The following MED23 variants were observed in gnomAD, a reference collection of about 807,000 sequenced individuals.
The protein encoded by MED23 is mediator of RNA polymerase II transcription subunit 23.
In MED23, 105 loss-of-function variants were observed where a neutral mutation model predicts 163.9. That is an observed-to-expected ratio of 0.64 (90% CI 0.55 to 0.75). MED23 has a LOEUF of 0.75. MED23 is among the 30% of genes least tolerant of loss of function. The pLI is 0.00. For missense variants in MED23, 1,054 were observed against 1,649.0 expected (o/e 0.64, Z 6.25); for synonymous variants, 561 against 565.6 (o/e 0.99, Z 0.12).
chr6:131,615,227 AG>A (rs1412868411), intron 10 of MED23: 1 of 1,435,702 alleles, frequency 7.0e-7, no homozygotes, highest in Non-Finnish European at 9.8e-7. Flanking sequence ...GCCAATTTCA[AG>A]CCCCGACCAT....
At chr6:131,602,861 G>A (rs561130598) in intron 16 of MED23, among the ~76,000 whole-genome samples, 169 bp downstream of exon 16, 3 of 151,750 alleles carry the variant, frequency 2.0e-5, no homozygotes, top group African/African-American at 7.3e-5. Flanking sequence ...TTAAAAAGCT[G>A]GACTCTGCTC....
chr6:131,576,025 C>T (rs1036298212), intron 30 of MED23, among the ~76,000 whole-genome samples: 1 of 152,192 alleles, frequency 6.6e-6, no homozygotes, highest in African/African-American at 2.4e-5. Context: ...TTTGCCCAAT[C>T]GTTCCCTTGG....
chr6:131,604,316 T>C lies in MED23; in HGVS notation c.1618A>G (p.Ile540Val), dbSNP rs1373066912. 2 of 1,613,566 alleles carry C rather than the reference T, an allele frequency of 1.2e-6. No individual in the cohort carries two copies. The highest frequency in any genetic ancestry group is 1.7e-6 in the Non-Finnish European group (2 of 1,179,734). The part of the protein sequence containing the change: ...SLTVHAKMSL[I>V]HSIATRVIKL... ...ATCACCCTGGTTGCAATGCTGTGAA[T>C]AAGGCTGAGGAGAAAAAAAGGGAAG... The change falls in exon 15 of 29, where the codon ATT becomes GTT. Residue 540 changes from isoleucine (I) to valine (V), a missense_variant. Coordinates refer to ENST00000368068, the MANE Select transcript of MED23 (RefSeq NM_004830.4).
At chr6:131,583,687 A>G (rs1774056246), downstream of MED23, 4 of 1,581,788 alleles carry the variant, frequency 2.5e-6, no homozygotes, top group South Asian at 4.5e-5. Context: ...TGTCTGTACT[A>G]CTTTCAAAAT....
rs1777587291 is a variant in MED23 at position 131,627,409 on chromosome 6, C to A, written c.146G>T (p.Gly49Val). 6.2e-7 allele frequency: 1 copy of A among 1,612,742 alleles called. No homozygotes were observed. The highest frequency in any genetic ancestry group is 8.5e-7 in the Non-Finnish European group (1 of 1,179,694). Reference sequence around the variant, plus strand: ...TGAAGCGCTCACCTGAGAAAGACCACCCCAAAACTGTCTGAAGGCCCCCAA... The same window carrying A: ...TGAAGCGCTCACCTGAGAAAGACCAACCCAAAACTGTCTGAAGGCCCCCAA... ...SCLGAFRQFWGGLSQESHEQC... is the reference protein window; with the variant it reads ...SCLGAFRQFWVGLSQESHEQC... Residue 49 changes from glycine to valine, a missense_variant, in exon 3 of 29, where the codon GGT (glycine) becomes GTT (valine). This residue lies in a region of MED23 where 227 missense variants were observed against 235.5 expected (regional missense o/e 0.96). Transcript: ENST00000368068.
intron 18 of MED23, among the ~76,000 whole-genome samples, chr6:131,599,426 G>C (rs1339587694): frequency 1.3e-5 from 2 of 152,116 alleles, no homozygotes; most frequent in Non-Finnish European, 2.9e-5. Flanking sequence ...CAGTTTTTCT[G>C]TGATTAAGAA....
At position 131,587,591 on chromosome 6, in the gene MED23, T is replaced by C; in HGVS notation, c.*88A>G. ...ATCATCACTGCTTCTACTATATCAC[T>C]ACAGTGTGATCGCATTCAGATTTAA... On this transcript the variant is annotated 3_prime_UTR_variant, in exon 29 of 29. Transcript: ENST00000368068. The C allele has an allele frequency of 1.3e-6, 2 of 1,597,380 alleles. No individual in the cohort carries two copies. The highest frequency in any genetic ancestry group is 1.7e-6 in the Non-Finnish European group (2 of 1,171,142).
At chr6:131,585,671 T>C (rs1241736422), downstream of MED23, among the ~76,000 whole-genome samples, 1 of 152,208 alleles carries the variant, frequency 6.6e-6, no homozygotes, top group Non-Finnish European at 1.5e-5. Context: ...TTGCAGAAAG[T>C]CATACTGGAC....
chr6:131,576,090 G>A (rs1041186867), intron 30 of MED23, among the ~76,000 whole-genome samples: 1 of 152,098 alleles, frequency 6.6e-6, no homozygotes, highest in Non-Finnish European at 1.5e-5. Flanking sequence ...TACTCATGTC[G>A]CAAGACTCAG....
rs75012666 is a variant in MED23 at position 131,581,156 on chromosome 6, A to C, written c.4095+6553T>G. On this transcript the variant is annotated intron_variant, in intron 30 of 30. Coordinates refer to the MED23 transcript ENST00000354577. ...AAAACCAAGTGGGAGCATTGAGTGA[A>C]TAATATGATGTATGTAGTGACACTG... The C allele has an allele frequency of 7.7e-4, 1,182 of 1,533,152 alleles. 12 individuals carry two copies. In the East Asian group the frequency reaches 0.023, roughly 29 times the overall value. 95.0% of individuals were successfully genotyped at this position (1,533,152 alleles called of 1,614,324 possible).
At chr6:131,583,682 G>A (rs1585429591), downstream of MED23, 9 of 1,574,124 alleles carry the variant, frequency 5.7e-6, no homozygotes, top group East Asian at 7.0e-5. Flanking sequence ...AAGTCTGTCT[G>A]TACTACTTTC....
At chr6:131,579,255 G>C (rs1211764471) in intron 30 of MED23, 1 of 1,614,116 alleles carries the variant, frequency 6.2e-7, no homozygotes, top group South Asian at 1.1e-5. Context: ...AAGAACGGAA[G>C]AATCAGCCTG....
At chr6:131,584,101 A>G, downstream of MED23, 1 of 647,410 alleles carries the variant, frequency 1.5e-6, no homozygotes, top group Non-Finnish European at 2.6e-6. Flanking sequence ...TGAAATTTAA[A>G]AGCTTATATT....
rs979983353 is a variant in MED23 at position 131,594,196 on chromosome 6, A to T, written c.3135T>A (p.Ser1045Arg). 6.2e-7 allele frequency: 1 copy of T among 1,614,186 alleles called. No individual in the cohort carries two copies. The highest frequency in any genetic ancestry group is 1.3e-5 in the African/African-American group (1 of 75,048). The change falls in exon 23 of 29, where the codon AGT becomes AGA. Residue 1045 changes from serine (S) to arginine (R), a missense_variant. Transcript: ENST00000368068. The stretch of plus-strand genomic sequence containing the variant: ...TCATAGCGCATTTCAGGTAAGTGTC[A>T]CTTAGACACCAGCCCTGCGGTCGAT... ...KDNRPQGWCL[S>R]DTYLKCAMNA...
chr6:131,593,792 C>A (rs1226362045), intron 23 of MED23, among the ~76,000 whole-genome samples: 1 of 151,990 alleles, frequency 6.6e-6, no homozygotes, highest in African/African-American at 2.4e-5. Context: ...GCATGTGCTA[C>A]AAAATATAGT....
Position 131,594,397 on chromosome 6 carries a change from G to A in MED23, c.2996-62C>T, listed in dbSNP as rs545648234. The stretch of plus-strand genomic sequence containing the variant: ...TGGTTACTAATAACTGTGAAAAACT[G>A]ATCAACTGCTTTCCAGATAACTGAA... On this transcript the variant is annotated intron_variant, in intron 22 of 28. Transcript: ENST00000368068. 274 of 1,239,558 alleles carry A rather than the reference G, an allele frequency of 2.2e-4. 6 individuals carry two copies. In the South Asian group the frequency reaches 3.2e-3, roughly 14 times the overall value. 76.8% of individuals were successfully genotyped at this position (1,239,558 alleles called of 1,614,324 possible).
chr6:131,591,318 A>G lies in MED23; in HGVS notation c.3681T>C (p.Ile1227=), dbSNP rs1042743603. The G allele has an allele frequency of 6.2e-7, 1 of 1,608,518 alleles. No homozygotes were observed. Among genetic ancestry groups the G allele is most frequent in the African/African-American group, 1.3e-5 (1 of 74,904 alleles). ...TAAGAAATTATTATACTTACTTTGG[A>G]ATGAGAGAAAGTTGTCCGATGCTAG... ...HHSSIGQLSL[I]PKFLTEVLLP... Residue 1227 remains isoleucine (I), a synonymous_variant, in exon 26 of 29, where the codon ATT becomes ATC. Coordinates refer to ENST00000368068, the MANE Select transcript of MED23 (RefSeq NM_004830.4).
At chr6:131,597,080 A>T (rs1775100838) in intron 20 of MED23, among the ~76,000 whole-genome samples, 1 of 152,134 alleles carries the variant, frequency 6.6e-6, no homozygotes, top group Admixed American at 6.5e-5. Context: ...TCTATGCTCC[A>T]CAGCTAAGGG....
In MED23 at chr6:131,587,547, A is replaced by C; in HGVS notation, c.*132T>G. The C allele has an allele frequency of 2.6e-6, 4 of 1,522,328 alleles. No individual in the cohort carries two copies. The highest frequency in any genetic ancestry group is 3.5e-6 in the Non-Finnish European group (4 of 1,134,660). 94.3% of individuals were successfully genotyped at this position (1,522,328 alleles called of 1,614,324 possible). On this transcript the variant is annotated 3_prime_UTR_variant, in exon 29 of 29. Coordinates refer to ENST00000368068, the MANE Select transcript of MED23 (RefSeq NM_004830.4). ...TGTCAACAGATTCATCATTTGAATCAAAATAAAACAATCTGAATATCATCA... is the reference window on the plus strand; with the variant it reads ...TGTCAACAGATTCATCATTTGAATCCAAATAAAACAATCTGAATATCATCA...
Sources: gnomAD v4.1 joint callset for allele counts (sites outside exome capture counted in the v4.1 genomes callset) on GRCh38, gnomAD v4.1.1 for gene constraint, gnomAD v4.1.1 regional missense constraint, MANE v1.5 for transcripts, NCBI Gene and HGNC (gene_info 2026-07-23, HGNC 2026-07-21) for gene names.